The following TBC1D9 variants were observed in gnomAD, a reference collection of about 807,000 sequenced individuals.
TBC1D9 encodes TBC1 domain family member 9A.
In TBC1D9, 63 loss-of-function variants were observed where a neutral mutation model predicts 132.0. That is an observed-to-expected ratio of 0.48 (90% confidence interval 0.39 to 0.59). The LOEUF (loss-of-function observed/expected upper bound fraction) is 0.59, where lower values mean the gene tolerates loss of function less well. TBC1D9 is among the 20% of genes least tolerant of loss of function. The probability of loss-of-function intolerance (pLI) is 0.00; values close to 1 mark genes in which losing one functional copy is unlikely to be tolerated. For missense variants in TBC1D9, 1,261 were observed against 1,592.7 expected (o/e 0.79, Z 3.54); for synonymous variants, 610 against 609.9 (o/e 1.00, Z 0.00).
At chr4:140,686,249 G>A in intron 3 of TBC1D9, 95 bp downstream of exon 3, 1 of 782,288 alleles carries the variant, frequency 1.3e-6, no homozygotes, top group South Asian at 1.8e-5. Flanking sequence ...TGGGCAAAGG[G>A]TATACAGGTA....
intron 2 of TBC1D9, among the ~76,000 whole-genome samples, chr4:140,693,753 C>G (rs142553412): frequency 2.6e-5 from 4 of 152,210 alleles, no homozygotes; most frequent in Admixed American, 6.5e-5. Flanking sequence ...ACAAACCTCT[C>G]AGGCCCTGGA....
chr4:140,633,931 T>C lies in TBC1D9; in HGVS notation c.2746+17A>G. 1 of 1,613,226 alleles carries C rather than the reference T, an allele frequency of 6.2e-7. No individual in the cohort carries two copies. The highest frequency in any genetic ancestry group is 8.5e-7 in the Non-Finnish European group (1 of 1,179,552). ...CAGCATCCCATCCCAACTCATGCAA[T>C]AGTACCACGTCCTTACTTAGCCCAG... On this transcript the variant is annotated intron_variant, in intron 16 of 20. Coordinates refer to ENST00000442267, the MANE Select transcript of TBC1D9 (RefSeq NM_015130.3).
intron 2 of TBC1D9, among the ~76,000 whole-genome samples, chr4:140,698,752 GA>G (rs926285453): frequency 1.1e-4 from 17 of 148,062 alleles, no homozygotes; most frequent in South Asian, 2.3e-4. Flanking sequence ...GTGGGGGGGG[GA>G]AAGACATAAT....
intron 10 of TBC1D9, among the ~76,000 whole-genome samples, chr4:140,660,177 T>C (rs997331321): frequency 2.6e-5 from 4 of 152,226 alleles, no homozygotes; most frequent in Non-Finnish European, 4.4e-5. Context: ...CAACGAAACC[T>C]TTCAGACTTG....
intron 1 of TBC1D9, among the ~76,000 whole-genome samples, chr4:140,702,580 C>T (rs569658023): frequency 6.6e-6 from 1 of 152,316 alleles, no homozygotes; most frequent in South Asian, 2.1e-4. Context: ...TGTTCCCAGA[C>T]AACTTGTCAG....
rs189396009 is a variant in TBC1D9, at chr4:140,740,920, T to C, written c.130+14996A>G. Reference sequence around the variant, plus strand: ...AGCAATCTAATGTTCCCTGAAAGAATATGTAAATAACCTATAAACCAAAAA... The same window carrying C: ...AGCAATCTAATGTTCCCTGAAAGAACATGTAAATAACCTATAAACCAAAAA... On this transcript the variant is annotated intron_variant, in intron 1 of 20. Transcript: ENST00000442267. Among the ~76,000 whole-genome samples, 64 of 152,342 alleles carry C rather than the reference T, an allele frequency of 4.2e-4. 1 individual carries two copies. Among genetic ancestry groups the C allele is most frequent in the Admixed American group, 3.3e-3 (51 of 15,302 alleles).
chr4:140,707,942 T>C (rs1290133642), intron 1 of TBC1D9, among the ~76,000 whole-genome samples: 4 of 152,164 alleles, frequency 2.6e-5, no homozygotes, highest in Middle Eastern at 3.4e-3. Context: ...TGACTTATAT[T>C]ACACTAAGGT....
At chr4:140,732,139 A>G (rs1454238909) in intron 1 of TBC1D9, among the ~76,000 whole-genome samples, 1 of 152,248 alleles carries the variant, frequency 6.6e-6, no homozygotes, top group Non-Finnish European at 1.5e-5. Flanking sequence ...CCCTAGAAGT[A>G]GTACCAGTTG....
intron 1 of TBC1D9, among the ~76,000 whole-genome samples, chr4:140,720,875 T>C (rs1194310404): frequency 1.3e-5 from 2 of 152,194 alleles, no homozygotes; most frequent in Non-Finnish European, 2.9e-5. Context: ...ACATGACCCT[T>C]GTAGGTGAGA....
At chr4:140,642,043 C>A in intron 13 of TBC1D9, 1 of 672,894 alleles carries the variant, frequency 1.5e-6, no homozygotes, top group Middle Eastern at 2.4e-4. Context: ...CTGCTTCCTG[C>A]TGGTGGCTGG....
intron 3 of TBC1D9, among the ~76,000 whole-genome samples, chr4:140,682,460 G>A (rs575862930): frequency 5.3e-5 from 8 of 152,178 alleles, no homozygotes; most frequent in African/African-American, 1.4e-4. Flanking sequence ...CATGGGACCC[G>A]TGGGTGGGAA....
At chr4:140,691,846 C>G (rs1055732943) in intron 2 of TBC1D9, among the ~76,000 whole-genome samples, 9 of 152,208 alleles carry the variant, frequency 5.9e-5, no homozygotes, top group African/African-American at 2.2e-4. Flanking sequence ...TCATCCTAGT[C>G]TAATTATTCA....
Position 140,679,717 on chromosome 4 carries a change from A to G in TBC1D9, c.487T>C (p.Tyr163His). 1.2e-6 allele frequency: 2 copies of G among 1,613,850 alleles called. No individual in the cohort carries two copies. Among genetic ancestry groups the G allele is most frequent in the Non-Finnish European group, 1.7e-6 (2 of 1,179,796 alleles). ...GMPEEEKLVN[Y>H]YSCSYWKGKV... Reference sequence around the variant, plus strand: ...CCCTTCCAATAGCTGCAAGAGTAATAGTTGACGAGTTTCTCTTCCTCTGGC... The same window carrying G: ...CCCTTCCAATAGCTGCAAGAGTAATGGTTGACGAGTTTCTCTTCCTCTGGC... The change falls in exon 4 of 21, where the codon TAT (tyrosine) becomes CAT (histidine). Residue 163 changes from tyrosine to histidine, a missense_variant. Around this residue, in one of 3 missense-constraint regions of TBC1D9, gnomAD observed 550 missense variants for 699.0 expected, o/e 0.79. Transcript: ENST00000442267.
chr4:140,660,893 C>T (rs1000961294), intron 10 of TBC1D9, among the ~76,000 whole-genome samples: 5 of 151,166 alleles, frequency 3.3e-5, no homozygotes, highest in Non-Finnish European at 7.4e-5. Flanking sequence ...AAGGCCTCTA[C>T]AATGATATAG....
chr4:140,640,599 G>T (rs1040345820), intron 13 of TBC1D9, among the ~76,000 whole-genome samples: 5 of 152,098 alleles, frequency 3.3e-5, no homozygotes, highest in Admixed American at 2.6e-4. Flanking sequence ...AAAAGGAAAG[G>T]CAGCTTTTTG....
intron 14 of TBC1D9, 29 bp downstream of exon 14, chr4:140,639,301 G>A (rs752457461): frequency 1.3e-6 from 2 of 1,557,840 alleles, no homozygotes; most frequent in African/African-American, 1.4e-5. Flanking sequence ...AGATGACAGA[G>A]GTTGCCTGCT....
intron 20 of TBC1D9, among the ~76,000 whole-genome samples, chr4:140,623,193 TCCCACCTCAGCCC>T (rs1300563565): frequency 6.6e-6 from 1 of 152,116 alleles, no homozygotes; most frequent in Non-Finnish European, 1.5e-5. Context: ...CACATGAACC[TCCCACCTCAGCCC>T]CCCAGGCACA....
intron 1 of TBC1D9, among the ~76,000 whole-genome samples, chr4:140,708,254 A>G (rs912881026): frequency 1.3e-5 from 2 of 152,214 alleles, no homozygotes. Context: ...TAGAAAGGAG[A>G]CAAAGACTTG....
intron 1 of TBC1D9, among the ~76,000 whole-genome samples, chr4:140,722,672 T>G (rs567273788): frequency 6.6e-6 from 1 of 152,356 alleles, no homozygotes; most frequent in Non-Finnish European, 1.5e-5. Context: ...CCTTGTAAAC[T>G]ATCTTTTTAC....
Sources: allele counts gnomAD v4.1 joint callset (sites outside exome capture counted in the v4.1 genomes callset), GRCh38; gene constraint gnomAD v4.1.1; regional missense constraint gnomAD v4.1.1; transcripts MANE v1.5; gene names NCBI Gene and HGNC (gene_info 2026-07-23, HGNC 2026-07-21).